RELT: variants seen among roughly 807,000 people sequenced by gnomAD.
RELT encodes RELT TNF receptor.
A neutral mutation model predicts 51.1 loss-of-function variants in RELT; 37 were observed. The observed-to-expected ratio is 0.72, with a 90% CI of 0.56 to 0.95. RELT has a LOEUF of 0.95. Ranked by LOEUF, RELT falls within the 40% of genes least tolerant of loss-of-function variation. The pLI is 0.00. For synonymous variants in RELT, 241 were observed against 235.7 expected (o/e 1.02, Z -0.21); for missense variants, 535 against 572.6 (o/e 0.93, Z 0.67).
chr11:73,381,914 A>G lies in RELT; in HGVS notation c.-26+5415A>G, dbSNP rs148472610. On this transcript the variant is annotated intron_variant, in intron 1 of 10. Transcript: ENST00000064780. Reference sequence around the variant, plus strand: ...CTTGCCACACCCAAGCCTCTGGGTGACCTCGGCTGGCTGTTGCTTGGTCCT... The same window carrying G: ...CTTGCCACACCCAAGCCTCTGGGTGGCCTCGGCTGGCTGTTGCTTGGTCCT... 6.9e-3 allele frequency among the ~76,000 whole-genome samples: 1,045 copies of G among 152,140 alleles called. 8 individuals are homozygous for G. The highest frequency in any genetic ancestry group is 0.027 in the Middle Eastern group (8 of 294).
At position 73,393,910 on chromosome 11, in the gene RELT, G is replaced by A. The variant is rs4620744; in HGVS notation, c.699G>A (p.Glu233=). 470 of 1,613,906 alleles carry A rather than the reference G, an allele frequency of 2.9e-4. 1 individual carries two copies. In the African/African-American group the frequency reaches 5.6e-3, roughly 19 times the overall value. ...TIGVLVRLIT[E]KKENAAALEE... ...GGGTCCTGGTGCGCTTGATCACAGA[G>A]AAGAAAGGTGAGGAGAAGGTCTGAC... is the stretch of plus-strand genomic sequence containing the variant. The change falls in exon 7 of 11, where the codon GAG becomes GAA. Residue 233 remains glutamate, a synonymous_variant. Transcript: ENST00000064780.
intron 1 of RELT, among the ~76,000 whole-genome samples, chr11:73,382,308 C>G (rs1486802565): frequency 6.6e-6 from 1 of 152,222 alleles, no homozygotes; most frequent in Non-Finnish European, 1.5e-5. Flanking sequence ...CAAGTCCCTC[C>G]CAAAGCCTCT....
chr11:73,379,323 G>A (rs556587341), intron 1 of RELT, among the ~76,000 whole-genome samples: 1 of 152,226 alleles, frequency 6.6e-6, no homozygotes, highest in Non-Finnish European at 1.5e-5. Flanking sequence ...CTCAGCCTGT[G>A]CCCTGGCCAA....
chr11:73,379,582 C>T (rs938802156), intron 1 of RELT, among the ~76,000 whole-genome samples: 4 of 152,220 alleles, frequency 2.6e-5, no homozygotes, highest in African/African-American at 9.7e-5. Flanking sequence ...CTCCTAGAAC[C>T]TTCACCTTCC....
rs1056851031 is a variant in RELT, at chr11:73,391,164, T to C, written c.308T>C (p.Val103Ala). The change falls in exon 5 of 11, where the codon GTT becomes GCT. Residue 103 changes from valine (V) to alanine (A), a missense_variant. By Grantham distance (64) the Val-to-Ala change is moderately conservative (BLOSUM62 0). Coordinates refer to ENST00000064780, the MANE Select transcript of RELT (RefSeq NM_152222.2). Reference sequence around the variant, plus strand: ...CGCAGGTGGTTTGGGCCTTGGGGGGTTCCCCGCGTTCCATGTCAACCATGT... The same window carrying C: ...CGCAGGTGGTTTGGGCCTTGGGGGGCTCCCCGCGTTCCATGTCAACCATGT... ...CWPGWFGPWG[V>A]PRVPCQPCSW... The C allele has an allele frequency of 1.2e-6, 2 of 1,613,706 alleles. No individual in the cohort carries two copies. The highest frequency in any genetic ancestry group is 1.7e-6 in the Non-Finnish European group (2 of 1,179,876).
At chr11:73,384,434 C>T (rs1399026133) in intron 1 of RELT, 1 of 152,240 alleles carries the variant, frequency 6.6e-6, no homozygotes, top group Non-Finnish European at 1.5e-5. Flanking sequence ...CCCTTCTCCT[C>T]CACATTCCAC....
Position 73,394,773 on chromosome 11 carries a change from G to A in RELT, c.1046+39G>A, listed in dbSNP as rs776435206. 16 of 1,590,238 alleles carry A rather than the reference G, an allele frequency of 1.0e-5. No homozygotes were observed. The highest frequency in any genetic ancestry group is 6.6e-5 in the South Asian group (6 of 90,610). On this transcript the variant is annotated intron_variant, in intron 9 of 10. Transcript: ENST00000064780. This position sits in a 1 kb window ranked among gnomAD's most constrained non-coding sequence, Gnocchi z 4.9. The stretch of plus-strand genomic sequence containing the variant: ...AGATGCAGCAGGGGCAGGTAAAGAC[G>A]TGACAGCCTGGGGGCCGGGAGGGGG...
intron 6 of RELT, 32 bp downstream of exon 6, chr11:73,392,500 AC>A: frequency 1.3e-6 from 2 of 1,597,266 alleles, no homozygotes; most frequent in Non-Finnish European, 1.7e-6. Flanking sequence ...GGTGGGAAGG[AC>A]GGGGGCACGA....
rs1330867963 is a variant in RELT at position 73,388,720 on chromosome 11, G to A, written c.-25-392G>A. ...TGGAGCGCTGGGCTGGAGTGTGGAG[G>A]CCGGGCTGGGGTGTTGGGTGTTGGT... On this transcript the variant is annotated intron_variant, in intron 1 of 10. Coordinates refer to ENST00000064780, the MANE Select transcript of RELT (RefSeq NM_152222.2). The surrounding 1 kb of genome is among the most constrained non-coding windows in gnomAD (Gnocchi z 4.1). Among the ~76,000 whole-genome samples the A allele has an allele frequency of 6.6e-6, 1 of 152,256 alleles. No individual in the cohort carries two copies. The highest frequency in any genetic ancestry group is 1.5e-5 in the Non-Finnish European group (1 of 68,050).
Position 73,392,192 on chromosome 11 carries a change from C to T in RELT, c.368-19C>T, listed in dbSNP as rs890220167. 1.9e-6 allele frequency: 3 copies of T among 1,608,506 alleles called. No individual in the cohort carries two copies. The African/African-American group carries it at 4.0e-5, about 21-fold the overall frequency. ...TGTCACTCTGCTTTTGTCCTGCCTC[C>T]ATCGTCTGTGATGCTCAGAGTGGGG... On this transcript the variant is annotated intron_variant, in intron 5 of 10. Coordinates refer to ENST00000064780, the MANE Select transcript of RELT (RefSeq NM_152222.2).
At chr11:73,378,798 T>C (rs1327103329) in intron 1 of RELT, among the ~76,000 whole-genome samples, 2 of 152,246 alleles carry the variant, frequency 1.3e-5, no homozygotes, top group African/African-American at 4.8e-5. Context: ...CCCTGCCTTC[T>C]AGAGCCTGGA....
chr11:73,380,445 C>G (rs907843830), intron 1 of RELT, among the ~76,000 whole-genome samples: 8 of 152,182 alleles, frequency 5.3e-5, no homozygotes, highest in African/African-American at 1.9e-4. Flanking sequence ...CTGTAGTGTG[C>G]CAGGCTCTGG....
At chr11:73,390,007 G>A (rs996966231) in intron 2 of RELT, among the ~76,000 whole-genome samples, 4 of 152,296 alleles carry the variant, frequency 2.6e-5, no homozygotes, top group Middle Eastern at 3.4e-3. Context: ...CCCTGTTTGG[G>A]TGTGTGGGTG....
intron 1 of RELT, among the ~76,000 whole-genome samples, chr11:73,386,052 A>G (rs2134444545): frequency 1.3e-5 from 2 of 152,294 alleles, no homozygotes; most frequent in Middle Eastern, 6.8e-3. Context: ...AAATTCCCCA[A>G]AAACTTCGCG....
intron 6 of RELT, 110 bp from the exon 7 acceptor site, chr11:73,393,727 G>A: frequency 6.4e-7 from 1 of 1,561,640 alleles, no homozygotes; most frequent in Non-Finnish European, 8.8e-7. Flanking sequence ...AAATGCACAT[G>A]CTCAGGGCCC....
Position 73,391,087 on chromosome 11 carries a change from C to G in RELT, c.288-57C>G, listed in dbSNP as rs1434335224. The G allele has an allele frequency of 1.6e-5, 26 of 1,579,148 alleles. No individual in the cohort carries two copies. The South Asian group carries it at 1.7e-4, about 10-fold the overall frequency. On this transcript the variant is annotated intron_variant, in intron 4 of 10. Transcript: ENST00000064780. ...CTGGTAGGAAGGAATCCAGCCTCTC[C>G]TAAGGATAGTGTTTGGGGAAACTTC...
At position 73,396,950 on chromosome 11, in the gene RELT, C is replaced by T. The variant is rs1866328393; in HGVS notation, c.*1459C>T. 6.6e-6 allele frequency: 1 copy of T among 152,042 alleles called. No homozygotes were observed. Among genetic ancestry groups the T allele is most frequent in the African/African-American group, 2.4e-5 (1 of 41,382 alleles). 9.4% of individuals were successfully genotyped at this position (152,042 alleles called of 1,614,324 possible). A position where few individuals can be genotyped will look rare whatever the true frequency, so the allele number is the denominator to read the frequency against. ...AGGTGAACTTAATTTTTTTTTAACC[C>T]AGTCTATCCAAAATATTTTCATTTC... On this transcript the variant is annotated 3_prime_UTR_variant, in exon 11 of 11. Transcript: ENST00000064780.
chr11:73,394,280 A>T lies in RELT; in HGVS notation c.751A>T (p.Lys251Ter). 6.2e-7 allele frequency: 1 copy of T among 1,612,514 alleles called. No homozygotes were observed. The highest frequency in any genetic ancestry group is 1.1e-5 in the South Asian group (1 of 90,930). ...LEELLKEYHSKQLVQTSHRPV... is the reference protein window; with the variant it reads ...LEELLKEYHS ...GGAGCTGCTGAAAGAGTACCACAGC[A>T]AACAGCTGGTGCAGACGAGCCACAG... The change falls in exon 8 of 11, where the codon AAA becomes TAA. Residue 251 changes from lysine to a stop codon, truncating the protein, a stop_gained. Transcript: ENST00000064780. LOFTEE classifies it high-confidence loss of function. The surrounding 1 kb of genome is among the most constrained non-coding windows in gnomAD (Gnocchi z 4.9).
chr11:73,383,868 T>C (rs111711138), intron 1 of RELT, among the ~76,000 whole-genome samples: 10,562 of 152,322 alleles, frequency 0.069, 1,088 homozygotes, highest in African/African-American at 0.22. Flanking sequence ...GCTGCCCTAC[T>C]TCAGCCCCAC....
Sources: gnomAD v4.1 joint callset for allele counts (sites outside exome capture counted in the v4.1 genomes callset) on GRCh38, gnomAD v4.1.1 for gene constraint, Gnocchi (gnomAD v3.1) non-coding constraint, MANE v1.5 for transcripts, NCBI Gene and HGNC (gene_info 2026-07-23, HGNC 2026-07-21) for gene names.